The following SLC35F3 variants were observed in gnomAD, a reference collection of about 807,000 sequenced individuals.
SLC35F3 encodes putative thiamine transporter SLC35F3.
Under a neutral mutation model 49.9 loss-of-function variants are expected in SLC35F3, and 25 were observed. The ratio of observed to expected loss-of-function variants is 0.50; its 90% CI spans 0.37 to 0.70. The LOEUF (loss-of-function observed/expected upper bound fraction) is 0.70, where lower values mean the gene tolerates loss of function less well. Ranked by LOEUF, SLC35F3 falls within the 30% of genes least tolerant of loss-of-function variation. The pLI is 0.00. For missense variants in SLC35F3, 525 were observed against 639.8 expected (o/e 0.82, Z 1.94); for synonymous variants, 275 against 265.4 (o/e 1.04, Z -0.35).
At chr1:233,979,062 A>G (rs1663138140) in intron 2 of SLC35F3, among the ~76,000 whole-genome samples, 1 of 151,856 alleles carries the variant, frequency 6.6e-6, no homozygotes, top group African/African-American at 2.4e-5. Context: ...AACAAAAAGC[A>G]AAACAAAACA....
intron 3 of SLC35F3, chr1:234,274,609 C>T (rs951769636): frequency 1.4e-4 from 21 of 152,210 alleles, no homozygotes; most frequent in African/African-American, 5.1e-4. Context: ...GCCAGGGCTC[C>T]CTGCTGACAG....
intron 2 of SLC35F3, among the ~76,000 whole-genome samples, chr1:234,225,822 T>A (rs192709368): frequency 3.3e-5 from 5 of 152,322 alleles, no homozygotes; most frequent in Admixed American, 1.3e-4. Flanking sequence ...ATTTGGTATA[T>A]CCATACAATG....
At chr1:234,280,812 G>A (rs975712645) in intron 3 of SLC35F3, among the ~76,000 whole-genome samples, 3 of 152,192 alleles carry the variant, frequency 2.0e-5, no homozygotes, top group African/African-American at 7.2e-5. Flanking sequence ...GAGGCTCAGA[G>A]AGATTGAACA....
intron 2 of SLC35F3, among the ~76,000 whole-genome samples, chr1:234,013,121 T>C (rs567781684): frequency 5.0e-4 from 76 of 152,186 alleles, no homozygotes; most frequent in Non-Finnish European, 9.6e-4. Flanking sequence ...AGGATTCAAA[T>C]TGTATCAGAT....
At chr1:234,218,932 C>T (rs1467731830) in intron 2 of SLC35F3, among the ~76,000 whole-genome samples, 1 of 151,794 alleles carries the variant, frequency 6.6e-6, no homozygotes, top group Non-Finnish European at 1.5e-5. Context: ...ACCTGCAGTC[C>T]CAGCTACTTG....
intron 2 of SLC35F3, among the ~76,000 whole-genome samples, chr1:234,062,214 G>A (rs760713388): frequency 4.6e-5 from 7 of 152,076 alleles, no homozygotes; most frequent in Non-Finnish European, 4.4e-5. Context: ...GTTCTTTCTC[G>A]TTATAGCTCC....
In SLC35F3 at chr1:233,905,622, G is replaced by T. The variant is rs137942881; in HGVS notation, c.147G>T (p.Ala49=). 1 of 1,614,174 alleles carries T rather than the reference G, an allele frequency of 6.2e-7. No homozygotes were observed. The highest frequency in any genetic ancestry group is 1.7e-5 in the Admixed American group (1 of 60,030). Reference sequence around the variant, plus strand: ...TCAAGTACTTGGTGGTGGACGAGGCGATTAAGGAGGATCTGAAATGGTCGC... The same window carrying T: ...TCAAGTACTTGGTGGTGGACGAGGCTATTAAGGAGGATCTGAAATGGTCGC... ...RQLKYLVVDE[A]IKEDLKWSRS... Residue 49 remains alanine, a synonymous_variant, in exon 2 of 8, where the codon GCG becomes GCT. Coordinates refer to ENST00000366618, the MANE Select transcript of SLC35F3 (RefSeq NM_173508.4).
At chr1:234,262,991 G>A (rs1290593959) in intron 3 of SLC35F3, among the ~76,000 whole-genome samples, 2 of 152,158 alleles carry the variant, frequency 1.3e-5, no homozygotes, top group Non-Finnish European at 2.9e-5. Context: ...GTTTGTATCC[G>A]GAGCAGATAT....
intron 2 of SLC35F3, among the ~76,000 whole-genome samples, chr1:234,029,395 G>A (rs1245099110): frequency 6.6e-6 from 1 of 152,218 alleles, no homozygotes; most frequent in African/African-American, 2.4e-5. Context: ...GAAGGATCTT[G>A]CTATTGAGGA....
At chr1:234,237,740 T>C (rs1572109121) in intron 3 of SLC35F3, among the ~76,000 whole-genome samples, 1 of 152,354 alleles carries the variant, frequency 6.6e-6, no homozygotes, top group East Asian at 1.9e-4. Context: ...ACCTTCTCTG[T>C]CTCAGGTGCT....
Position 234,215,022 on chromosome 1 carries a change from G to C in SLC35F3, c.284-16395G>C, listed in dbSNP as rs535802371. The C allele has an allele frequency of 1.4e-4, 22 of 157,872 alleles. No individual in the cohort carries two copies. The South Asian group carries it at 1.4e-3, about 10-fold the overall frequency. 9.8% of individuals were successfully genotyped at this position (157,872 alleles called of 1,614,324 possible). On this transcript the variant is annotated intron_variant, in intron 2 of 7. Transcript: ENST00000366618. ...CCGACCAAAGGTGCTGCCCGCAGTT[G>C]GTAGAGGCGGGAGAGGGCTGCAGCG...
At chr1:233,906,195 A>C (rs1017918606) in intron 2 of SLC35F3, among the ~76,000 whole-genome samples, 9 of 152,226 alleles carry the variant, frequency 5.9e-5, no homozygotes, top group African/African-American at 2.2e-4. Context: ...TCTTCCTTGC[A>C]TCTCCTAGCC....
intron 2 of SLC35F3, among the ~76,000 whole-genome samples, chr1:234,143,440 C>T (rs1451576530): frequency 6.6e-6 from 1 of 152,008 alleles, no homozygotes; most frequent in African/African-American, 2.4e-5. Context: ...AGGTGCACAC[C>T]ATCATGCCCG....
At chr1:234,151,545 T>C (rs1347246169) in intron 2 of SLC35F3, among the ~76,000 whole-genome samples, 1 of 150,646 alleles carries the variant, frequency 6.6e-6, no homozygotes, top group Admixed American at 6.6e-5. Context: ...AAAAAAACCA[T>C]AAACCAGAAT....
chr1:234,125,531 C>T (rs181778999), intron 2 of SLC35F3, among the ~76,000 whole-genome samples: 50 of 152,192 alleles, frequency 3.3e-4, no homozygotes, highest in African/African-American at 1.1e-3. Context: ...AGGTATAGCC[C>T]ACCCCAGGCA....
intron 2 of SLC35F3, among the ~76,000 whole-genome samples, chr1:233,976,874 G>C (rs866889185): frequency 1.8e-4 from 27 of 152,274 alleles, no homozygotes; most frequent in African/African-American, 6.3e-4. Flanking sequence ...GCCTCCCCAA[G>C]TGCTGGAATT....
At chr1:234,056,152 A>G (rs190374229) in intron 2 of SLC35F3, among the ~76,000 whole-genome samples, 4 of 152,168 alleles carry the variant, frequency 2.6e-5, no homozygotes, top group Non-Finnish European at 5.9e-5. Context: ...TCAAGATTCT[A>G]GAAGTGTTCC....
intron 2 of SLC35F3, among the ~76,000 whole-genome samples, chr1:233,945,222 G>T (rs550646136): frequency 7.9e-5 from 12 of 151,956 alleles, no homozygotes; most frequent in African/African-American, 2.9e-4. Flanking sequence ...AGCAGAAAGG[G>T]CACTGCTATT....
intron 3 of SLC35F3, among the ~76,000 whole-genome samples, chr1:234,294,465 C>A (rs903625106): frequency 6.6e-6 from 1 of 152,186 alleles, no homozygotes; most frequent in Non-Finnish European, 1.5e-5. Context: ...GCCCCTAGTT[C>A]TAGACTCAGC....
Sources: gnomAD v4.1 joint callset for allele counts (sites outside exome capture counted in the v4.1 genomes callset) on GRCh38, gnomAD v4.1.1 for gene constraint, MANE v1.5 for transcripts, NCBI Gene and HGNC (gene_info 2026-07-23, HGNC 2026-07-21) for gene names.